SLC28A1: variants seen among roughly 807,000 people sequenced by gnomAD.
SLC28A1 encodes the protein solute carrier family 28 member 1, also known as sodium/nucleoside cotransporter 1.
SLC28A1 carries 64 observed loss-of-function variants against 74.8 expected under a neutral mutation model. The observed-to-expected ratio is 0.86, with a 90% CI of 0.70 to 1.05. The LOEUF (loss-of-function observed/expected upper bound fraction) is 1.05, where lower values mean the gene tolerates loss of function less well. SLC28A1 is among the 50% of genes least tolerant of loss of function. The pLI is 0.00. For synonymous variants in SLC28A1, 359 were observed against 335.0 expected, an observed-to-expected ratio of 1.07 and a Z score of -0.78; for missense variants, 828 against 822.8, an observed-to-expected ratio of 1.01 and a Z score of -0.08.
intron 9 of SLC28A1, among the ~76,000 whole-genome samples, chr15:84,917,925 G>C (rs1246048785): frequency 6.6e-6 from 1 of 152,172 alleles, no homozygotes; most frequent in African/African-American, 2.4e-5. Context: ...AGCTTGGAGT[G>C]AAGGAAGAGG....
At chr15:84,944,510 C>T (rs1472646879) in intron 16 of SLC28A1, 56 bp from the exon 17 acceptor site, 15 of 1,227,320 alleles carry the variant, frequency 1.2e-5, no homozygotes, top group Admixed American at 6.7e-5. Context: ...AGCTGCGGAA[C>T]GCGGGCAGAG....
At chr15:84,887,241 G>A (rs1263883311) in intron 2 of SLC28A1, 3 of 379,940 alleles carry the variant, frequency 7.9e-6, no homozygotes, top group African/African-American at 6.6e-5. Context: ...AGTGATGAAA[G>A]CTAGGTCCTC....
chr15:84,893,307 C>T (rs906459427), intron 5 of SLC28A1, among the ~76,000 whole-genome samples: 5 of 152,156 alleles, frequency 3.3e-5, no homozygotes, highest in African/African-American at 4.8e-5. Context: ...CACGGAGCCT[C>T]TCCCTGGCCA....
At chr15:84,908,592 C>G (rs950871688) in intron 8 of SLC28A1, 126 bp from the exon 9 acceptor site, 5 of 768,562 alleles carry the variant, frequency 6.5e-6, no homozygotes, top group East Asian at 2.5e-5. Flanking sequence ...GTGGTGCCCC[C>G]CCCCGGATAA....
intron 18 of SLC28A1, 60 bp downstream of exon 18, chr15:84,944,927 C>G: frequency 7.8e-7 from 1 of 1,282,752 alleles, no homozygotes; most frequent in Non-Finnish European, 1.1e-6. Flanking sequence ...AATGCCTGAG[C>G]GCTGGGGGGG....
At chr15:84,903,008 G>T (rs778167752) in intron 6 of SLC28A1, among the ~76,000 whole-genome samples, 1 of 152,178 alleles carries the variant, frequency 6.6e-6, no homozygotes. Context: ...GGGATTACAG[G>T]CATGAGCCAC....
At chr15:84,942,897 AG>A (rs377430889) in intron 15 of SLC28A1, among the ~76,000 whole-genome samples, 14 of 152,342 alleles carry the variant, frequency 9.2e-5, no homozygotes, top group African/African-American at 3.4e-4. Flanking sequence ...AAAAGGTTGA[AG>A]GACAGGCTGG....
intron 15 of SLC28A1, among the ~76,000 whole-genome samples, chr15:84,937,493 C>T (rs1163034653): frequency 6.6e-6 from 1 of 152,184 alleles, no homozygotes; most frequent in Admixed American, 6.5e-5. Context: ...AATAATAGCT[C>T]ATTGTTTTCA....
At chr15:84,969,530 C>G in the SLC28A1 span, among the ~76,000 whole-genome samples, 3 of 29,180 alleles carry the variant, frequency 1.0e-4, no homozygotes, top group Non-Finnish European at 1.9e-4. Flanking sequence ...GAGCACCCTG[C>G]CCCCCGACTC....
the SLC28A1 span, among the ~76,000 whole-genome samples, chr15:84,952,270 C>T: frequency 8.8e-3 from 1,336 of 152,324 alleles, 22 homozygotes; most frequent in African/African-American, 0.03. Context: ...CATCCTCACA[C>T]AGGCTGTGTG....
chr15:84,910,500 A>C (rs570329850), intron 9 of SLC28A1, among the ~76,000 whole-genome samples: 21 of 152,242 alleles, frequency 1.4e-4, no homozygotes, highest in African/African-American at 5.1e-4. Flanking sequence ...AGGCTGAGGC[A>C]GGCGGATCAC....
intron 9 of SLC28A1, among the ~76,000 whole-genome samples, chr15:84,916,246 T>TGAGCCACCATGCCTGGCC (rs1969090187): frequency 6.8e-6 from 1 of 146,630 alleles, no homozygotes; most frequent in Non-Finnish European, 1.5e-5. Flanking sequence ...ATTACTTTTT[T>TGAGCCACCATGCCTGGCC]TTTTTTTTTT....
At chr15:84,954,689 T>C in the SLC28A1 span, among the ~76,000 whole-genome samples, 1 of 152,214 alleles carries the variant, frequency 6.6e-6, no homozygotes, top group Non-Finnish European at 1.5e-5. Flanking sequence ...TACTTAACCA[T>C]TGTAGCACGT....
chr15:84,890,568 A>T (rs762307358), intron 5 of SLC28A1, 34 bp downstream of exon 5: 4 of 1,509,396 alleles, frequency 2.7e-6, no homozygotes, highest in Admixed American at 1.7e-5. Context: ...CCAGGACACA[A>T]TGACTCCTGC....
Position 84,935,364 on chromosome 15 carries a change from G to A in SLC28A1, c.1427G>A (p.Gly476Asp), listed in dbSNP as rs749042660. ...CTGCGGCCTGTAGCCTTCTTGATGG[G>A]TGTGGCGTGGGAGGACTGCCCAGTG... is the stretch of plus-strand genomic sequence containing the variant. ...YILRPVAFLM[G>D]VAWEDCPVVA... The change falls in exon 15 of 19, where the codon GGT (glycine) becomes GAT (aspartate). Residue 476 changes from glycine to aspartate, a missense_variant. Gly to Asp is a moderately conservative substitution (Grantham distance 94). Around this residue, in one of 3 missense-constraint regions of SLC28A1, gnomAD observed 767 missense variants for 753.5 expected, o/e 1.02. Coordinates refer to ENST00000394573, the MANE Select transcript of SLC28A1 (RefSeq NM_004213.5). The A allele has an allele frequency of 2.5e-6, 4 of 1,614,238 alleles. No homozygotes were observed. In the South Asian group the frequency reaches 3.3e-5, roughly 13 times the overall value.
the SLC28A1 span, among the ~76,000 whole-genome samples, chr15:84,958,894 G>A: frequency 6.6e-6 from 1 of 151,912 alleles, no homozygotes; most frequent in East Asian, 2.0e-4. Flanking sequence ...GAGGCCAAGA[G>A]TTCAAGACCA....
chr15:84,895,682 C>A, intron 6 of SLC28A1: 1 of 1,354,218 alleles, frequency 7.4e-7, no homozygotes, highest in Non-Finnish European at 9.4e-7. Context: ...CCCGCCCAGC[C>A]CACCATTTCA....
chr15:84,889,145 C>G lies in SLC28A1; in HGVS notation c.185+285C>G, dbSNP rs144549816. Among the ~76,000 whole-genome samples, 1,308 of 152,300 alleles carry G rather than the reference C, an allele frequency of 8.6e-3. 12 individuals are homozygous for G. The highest frequency in any genetic ancestry group is 0.031 in the Middle Eastern group (9 of 294). On this transcript the variant is annotated intron_variant, in intron 4 of 18. Coordinates refer to ENST00000394573, the MANE Select transcript of SLC28A1 (RefSeq NM_004213.5). ...ACCAGCCAGGCCTCCCTCTCAACCT[C>G]CCCCTTCTGCCTTCTACCCCCATTC...
the SLC28A1 span, among the ~76,000 whole-genome samples, chr15:84,971,541 G>A: frequency 4.6e-5 from 7 of 152,230 alleles, no homozygotes; most frequent in Non-Finnish European, 1.0e-4. Context: ...CTTCCACCAT[G>A]AGAGGAAGCA....
Sources: allele counts gnomAD v4.1 joint callset (sites outside exome capture counted in the v4.1 genomes callset), GRCh38; gene constraint gnomAD v4.1.1; regional missense constraint gnomAD v4.1.1; transcripts MANE v1.5; gene names NCBI Gene and HGNC (gene_info 2026-07-23, HGNC 2026-07-21).